SOX5: variants seen among roughly 807,000 people sequenced by gnomAD.
The protein encoded by SOX5 is transcription factor SOX-5.
SOX5 carries 9 observed loss-of-function variants against 92.0 expected under a neutral mutation model. The observed-to-expected ratio is 0.10, with a 90% CI of 0.06 to 0.17. SOX5 has a LOEUF of 0.17. SOX5 is among the 10% of genes least tolerant of loss of function. The probability of loss-of-function intolerance (pLI) is 1.00; values close to 1 mark genes in which losing one functional copy is unlikely to be tolerated. For synonymous variants in SOX5, 344 were observed against 336.3 expected, an observed-to-expected ratio of 1.02 and a Z score of -0.25; for missense variants, 642 against 944.5, an observed-to-expected ratio of 0.68 and a Z score of 4.20.
chr12:24,190,226 T>C (rs1240197940), intron 4 of SOX5, among the ~76,000 whole-genome samples: 1 of 152,196 alleles, frequency 6.6e-6, no homozygotes, highest in Non-Finnish European at 1.5e-5. Context: ...AAAGTTCTTA[T>C]GCTGGAAATG....
intron 4 of SOX5, among the ~76,000 whole-genome samples, chr12:24,202,138 C>T (rs1594212213): frequency 6.6e-6 from 1 of 152,084 alleles, no homozygotes; most frequent in South Asian, 2.1e-4. Context: ...TAGAAAGTAT[C>T]CCCGGGGTTT....
At chr12:23,688,859 A>C (rs2088163510) in intron 6 of SOX5, among the ~76,000 whole-genome samples, 1 of 152,136 alleles carries the variant, frequency 6.6e-6, no homozygotes. Flanking sequence ...AAAGTATCTG[A>C]AAGTGTAGGC....
At chr12:23,798,897 T>A (rs1398842797) in intron 3 of SOX5, among the ~76,000 whole-genome samples, 1 of 152,030 alleles carries the variant, frequency 6.6e-6, no homozygotes, top group Non-Finnish European at 1.5e-5. Context: ...TACATTTTCA[T>A]AACAACCCTA....
intron 3 of SOX5, among the ~76,000 whole-genome samples, chr12:23,759,981 T>C (rs954701584): frequency 3.9e-5 from 6 of 152,038 alleles, no homozygotes; most frequent in Admixed American, 3.3e-4. Context: ...TGTATGTATT[T>C]ATGAGTTTCT....
At chr12:24,452,658 A>G (rs951180286) in intron 1 of SOX5, among the ~76,000 whole-genome samples, 7 of 152,200 alleles carry the variant, frequency 4.6e-5, no homozygotes, top group African/African-American at 1.7e-4. Context: ...GGCTTTAGCT[A>G]TAAGAGAAAT....
At chr12:24,146,773 C>A (rs1321698885) in intron 4 of SOX5, among the ~76,000 whole-genome samples, 4 of 149,062 alleles carry the variant, frequency 2.7e-5, no homozygotes, top group Admixed American at 2.7e-4. Flanking sequence ...TACAAATTAC[C>A]AATATTAGGA....
At chr12:24,488,949 G>A (rs556037285) in intron 1 of SOX5, among the ~76,000 whole-genome samples, 10 of 152,266 alleles carry the variant, frequency 6.6e-5, no homozygotes, top group South Asian at 2.1e-4. Flanking sequence ...AGTTAAAGAC[G>A]GATGGAATGA....
intron 1 of SOX5, among the ~76,000 whole-genome samples, chr12:24,532,754 T>C (rs1951303650): frequency 6.6e-6 from 1 of 152,258 alleles, no homozygotes; most frequent in African/African-American, 2.4e-5. Context: ...ATTTTCTATA[T>C]GCTTCTAACT....
chr12:23,956,720 T>A (rs1338945504), intron 4 of SOX5, among the ~76,000 whole-genome samples: 1 of 151,964 alleles, frequency 6.6e-6, no homozygotes, highest in Non-Finnish European at 1.5e-5. Flanking sequence ...GAGTCTCACT[T>A]TGTCACCCAG....
intron 3 of SOX5, among the ~76,000 whole-genome samples, chr12:24,248,199 A>T (rs1939279062): frequency 6.6e-6 from 1 of 152,164 alleles, no homozygotes; most frequent in African/African-American, 2.4e-5. Flanking sequence ...GGGGAATTGA[A>T]TGGGAAGCTT....
chr12:24,417,140 G>T (rs772413938), intron 1 of SOX5, among the ~76,000 whole-genome samples: 1 of 152,106 alleles, frequency 6.6e-6, no homozygotes, highest in Non-Finnish European at 1.5e-5. Flanking sequence ...TTTGTGTAGA[G>T]ATTCTTCCTG....
chr12:24,067,553 C>A (rs1251591822), intron 4 of SOX5, among the ~76,000 whole-genome samples: 2 of 152,056 alleles, frequency 1.3e-5, no homozygotes, highest in East Asian at 1.9e-4. Context: ...TAGTAAAACT[C>A]TTAAAGCAAA....
At chr12:23,895,602 AGAAAC>A (rs2097169190) in intron 2 of SOX5, among the ~76,000 whole-genome samples, 186 bp downstream of exon 2, 1 of 152,226 alleles carries the variant, frequency 6.6e-6, no homozygotes, top group Non-Finnish European at 1.5e-5. Flanking sequence ...AAAATACAAA[AGAAAC>A]GAAAACAGCG....
intron 4 of SOX5, among the ~76,000 whole-genome samples, chr12:24,041,735 A>G (rs1956546246): frequency 1.3e-5 from 2 of 152,114 alleles, no homozygotes; most frequent in South Asian, 2.1e-4. Context: ...TGCTCAGAAA[A>G]CATCATAAGG....
chr12:23,651,481 T>C (rs2081556441), intron 7 of SOX5, among the ~76,000 whole-genome samples: 1 of 152,100 alleles, frequency 6.6e-6, no homozygotes, highest in South Asian at 2.1e-4. Flanking sequence ...TCAATTAACA[T>C]GTATCAAACT....
At chr12:23,615,352 A>G (rs1824023071) in intron 8 of SOX5, among the ~76,000 whole-genome samples, 1 of 151,996 alleles carries the variant, frequency 6.6e-6, no homozygotes, top group Admixed American at 6.6e-5. Flanking sequence ...TTTATTTTAA[A>G]TTTTTTAATT....
chr12:24,110,976 C>T (rs941395025), intron 4 of SOX5, among the ~76,000 whole-genome samples: 3 of 147,108 alleles, frequency 2.0e-5, no homozygotes, highest in Non-Finnish European at 4.5e-5. Context: ...TCAAATTTTA[C>T]GCTAAGCCAG....
intron 9 of SOX5, chr12:23,582,027 A>G (rs1331978764): frequency 3.2e-6 from 1 of 313,668 alleles, no homozygotes; most frequent in East Asian, 1.7e-4. Context: ...GGGATGAGTA[A>G]AGGCATTCAT....
intron 9 of SOX5, among the ~76,000 whole-genome samples, chr12:23,586,146 A>T (rs960912331): frequency 6.6e-6 from 1 of 152,028 alleles, no homozygotes; most frequent in Non-Finnish European, 1.5e-5. Context: ...CTCCGTGTGT[A>T]TGTGTCTGCA....
Sources: gnomAD v4.1 joint callset for allele counts (sites outside exome capture counted in the v4.1 genomes callset) on GRCh38, gnomAD v4.1.1 for gene constraint, MANE v1.5 for transcripts, NCBI Gene and HGNC (gene_info 2026-07-23, HGNC 2026-07-21) for gene names.